KCNT2: variants seen among roughly 807,000 people sequenced by gnomAD.
KCNT2 encodes potassium channel subfamily T member 2.
In KCNT2, 67 loss-of-function variants were observed where a neutral mutation model predicts 153.8. That is an observed-to-expected ratio of 0.44 (90% CI 0.36 to 0.53). The LOEUF (loss-of-function observed/expected upper bound fraction) is 0.53. KCNT2 is among the 20% of genes least tolerant of loss of function. KCNT2 has a pLI of 0.00. For synonymous variants in KCNT2, 500 were observed against 458.8 expected (o/e 1.09, Z -1.15); for missense variants, 975 against 1,354.8 (o/e 0.72, Z 4.40).
intron 14 of KCNT2, among the ~76,000 whole-genome samples, chr1:196,345,907 T>C (rs1003399603): frequency 6.6e-6 from 1 of 152,102 alleles, no homozygotes; most frequent in Non-Finnish European, 1.5e-5. Flanking sequence ...AAATCTTAAA[T>C]ACAAAATGTT....
intron 12 of KCNT2, among the ~76,000 whole-genome samples, chr1:196,401,639 T>C (rs980274463): frequency 3.3e-5 from 5 of 151,414 alleles, no homozygotes; most frequent in Non-Finnish European, 7.4e-5. Context: ...TTTACCCAAT[T>C]TGAAAAACAA....
At chr1:196,481,621 C>T (rs557038829) in intron 4 of KCNT2, among the ~76,000 whole-genome samples, 115 of 151,990 alleles carry the variant, frequency 7.6e-4, no homozygotes, top group Non-Finnish European at 1.2e-3. Flanking sequence ...TTAAAAGCAA[C>T]AGAAAATAAA....
rs1656139979 is a variant in KCNT2 at position 196,253,194 on chromosome 1, G to C, written c.3211+5000C>G. ...GTCCAGTTACATGCATGTTACATTA[G>C]TTGATATTGTCCCACTGGTAACTAA... On this transcript the variant is annotated intron_variant, in intron 26 of 27. Transcript: ENST00000294725. Among the ~76,000 whole-genome samples, 3 of 151,266 alleles carry C rather than the reference G, an allele frequency of 2.0e-5. No homozygotes were observed. The South Asian group carries it at 6.2e-4, about 31-fold the overall frequency.
intron 13 of KCNT2, among the ~76,000 whole-genome samples, chr1:196,398,096 C>T (rs1213070152): frequency 6.6e-6 from 1 of 151,414 alleles, no homozygotes; most frequent in Admixed American, 6.6e-5. Flanking sequence ...TTTTCAAAGT[C>T]TATTCCCTAA....
intron 20 of KCNT2, 26 bp downstream of exon 20, chr1:196,319,458 A>T (rs1663063203): frequency 1.3e-6 from 2 of 1,545,330 alleles, no homozygotes; most frequent in Admixed American, 3.4e-5. Context: ...TACACTAGTT[A>T]GTGTGCCAAA....
chr1:196,423,138 T>TAATCC, intron 11 of KCNT2, 25 bp from the exon 12 acceptor site: 2 of 1,475,258 alleles, frequency 1.4e-6, no homozygotes, highest in Non-Finnish European at 1.9e-6. Context: ...AAAAACAAAA[T>TAATCC]AATCACACAC....
chr1:196,244,959 G>T (rs1655302723), intron 26 of KCNT2, among the ~76,000 whole-genome samples: 1 of 152,134 alleles, frequency 6.6e-6, no homozygotes, highest in African/African-American at 2.4e-5. Flanking sequence ...GGCCAGAGGG[G>T]TGCTTGTGTT....
At chr1:196,352,075 A>C (rs1032002437) in intron 14 of KCNT2, among the ~76,000 whole-genome samples, 4 of 152,134 alleles carry the variant, frequency 2.6e-5, no homozygotes, top group African/African-American at 7.2e-5. Flanking sequence ...ATGGTGGATA[A>C]GCTTTTGGAT....
At chr1:196,568,693 C>A (rs1359339329) in intron 1 of KCNT2, among the ~76,000 whole-genome samples, 2 of 151,704 alleles carry the variant, frequency 1.3e-5, no homozygotes, top group Admixed American at 6.6e-5. Context: ...TCACCTCCTG[C>A]TGTGTGGCGC....
chr1:196,254,360 T>C (rs749685439), intron 26 of KCNT2, among the ~76,000 whole-genome samples: 2 of 151,502 alleles, frequency 1.3e-5, no homozygotes, highest in African/African-American at 4.8e-5. Flanking sequence ...AAAAGCTAAA[T>C]GATATATCTC....
chr1:196,317,065 G>A (rs972436227), intron 20 of KCNT2: 1 of 209,474 alleles, frequency 4.8e-6, no homozygotes, highest in Non-Finnish European at 1.0e-5. Context: ...TCTTTTCCAA[G>A]TGCATGATTG....
intron 13 of KCNT2, among the ~76,000 whole-genome samples, chr1:196,397,386 G>T (rs551199194): frequency 6.6e-6 from 1 of 151,482 alleles, no homozygotes; most frequent in Non-Finnish European, 1.5e-5. Context: ...GTTGTAGATG[G>T]AGTACTTCAC....
chr1:196,483,620 T>C (rs1441706190), intron 3 of KCNT2, among the ~76,000 whole-genome samples: 1 of 152,166 alleles, frequency 6.6e-6, no homozygotes, highest in East Asian at 1.9e-4. Context: ...CCTAGAAGTC[T>C]CAGCTCAACC....
intron 25 of KCNT2, among the ~76,000 whole-genome samples, chr1:196,276,842 A>G (rs1274756253): frequency 6.6e-6 from 1 of 152,060 alleles, no homozygotes; most frequent in Non-Finnish European, 1.5e-5. Flanking sequence ...GAAAACCCCA[A>G]TAGTACCTTG....
chr1:196,244,566 C>T (rs1309665569), intron 26 of KCNT2, among the ~76,000 whole-genome samples: 2 of 152,044 alleles, frequency 1.3e-5, no homozygotes, highest in African/African-American at 4.8e-5. Context: ...CCAGGTAGTA[C>T]CCAACATTGG....
At chr1:196,387,263 G>A (rs1197869478) in intron 13 of KCNT2, among the ~76,000 whole-genome samples, 1 of 151,458 alleles carries the variant, frequency 6.6e-6, no homozygotes, top group African/African-American at 2.4e-5. Context: ...CCTCTATCTT[G>A]GTGCAGCCAT....
intron 6 of KCNT2, 127 bp from the exon 7 acceptor site, chr1:196,467,913 G>A: frequency 2.1e-6 from 1 of 476,748 alleles, no homozygotes; most frequent in East Asian, 3.0e-5. Context: ...GACAAATAAT[G>A]TAAACTCACT....
chr1:196,434,958 T>G (rs1013279725), intron 8 of KCNT2, among the ~76,000 whole-genome samples: 1 of 150,988 alleles, frequency 6.6e-6, no homozygotes, highest in African/African-American at 2.4e-5. Context: ...CCATCTTACA[T>G]CCTCCATTTC....
intron 16 of KCNT2, among the ~76,000 whole-genome samples, chr1:196,334,390 T>C (rs924706697): frequency 7.6e-4 from 115 of 151,756 alleles, no homozygotes; most frequent in African/African-American, 2.7e-3. Context: ...TTATATTTAT[T>C]TAAAATTTAT....
Sources: allele counts gnomAD v4.1 joint callset (sites outside exome capture counted in the v4.1 genomes callset), GRCh38; gene constraint gnomAD v4.1.1; transcripts MANE v1.5; gene names NCBI Gene and HGNC (gene_info 2026-07-23, HGNC 2026-07-21).